The following MAMDC2 variants were observed in gnomAD, a reference collection of about 807,000 sequenced individuals.
MAMDC2 encodes the protein MAM domain-containing protein 2.
Under a neutral mutation model 89.8 loss-of-function variants are expected in MAMDC2, and 57 were observed. The ratio of observed to expected loss-of-function variants is 0.63; its 90% CI spans 0.51 to 0.79. MAMDC2 has a LOEUF of 0.79. MAMDC2 is among the 30% of genes least tolerant of loss of function. MAMDC2 has a pLI of 0.00. For synonymous variants in MAMDC2, 313 were observed against 293.4 expected (o/e 1.07, Z -0.68); for missense variants, 800 against 820.6 (o/e 0.97, Z 0.31).
chr9:70,122,289 G>A (rs1450309860), intron 5 of MAMDC2, among the ~76,000 whole-genome samples: 1 of 152,176 alleles, frequency 6.6e-6, no homozygotes, highest in Non-Finnish European at 1.5e-5. Context: ...GATGCTTTTT[G>A]GATCAGAAAT....
intron 8 of MAMDC2, among the ~76,000 whole-genome samples, chr9:70,141,572 G>A (rs1263551061): frequency 6.6e-6 from 1 of 152,148 alleles, no homozygotes; most frequent in Non-Finnish European, 1.5e-5. Flanking sequence ...GTTTGGACCT[G>A]AGAATTAAAG....
intron 2 of MAMDC2, chr9:70,087,328 G>A (rs1002850611): frequency 2.0e-5 from 3 of 152,164 alleles, no homozygotes. Context: ...TCAAGGGCAT[G>A]TAGGGGCTTA....
At chr9:70,050,817 G>A (rs1826876167) in intron 2 of MAMDC2, among the ~76,000 whole-genome samples, 1 of 152,018 alleles carries the variant, frequency 6.6e-6, no homozygotes, top group Admixed American at 6.6e-5. Flanking sequence ...TTCTTATTTG[G>A]CTCTAGTTTA....
At chr9:70,152,974 C>T (rs1355058993) in intron 9 of MAMDC2, among the ~76,000 whole-genome samples, 1 of 152,100 alleles carries the variant, frequency 6.6e-6, no homozygotes, top group East Asian at 1.9e-4. Flanking sequence ...TAGTCCTGAT[C>T]CCCATAAGGT....
chr9:70,215,967 T>C (rs1165222968), intron 11 of MAMDC2, among the ~76,000 whole-genome samples: 2 of 152,312 alleles, frequency 1.3e-5, no homozygotes, highest in South Asian at 2.1e-4. Context: ...CCCAGGCACA[T>C]AGAGGGGACT....
chr9:70,084,096 T>C (rs1481362476), intron 2 of MAMDC2, among the ~76,000 whole-genome samples: 1 of 152,150 alleles, frequency 6.6e-6, no homozygotes, highest in Non-Finnish European at 1.5e-5. Flanking sequence ...CTCCTTGGCA[T>C]CAAAATATGT....
intron 7 of MAMDC2, among the ~76,000 whole-genome samples, chr9:70,137,796 T>C (rs530742606): frequency 6.6e-6 from 1 of 152,314 alleles, no homozygotes; most frequent in Admixed American, 6.5e-5. Flanking sequence ...CTGCACCGAC[T>C]GTATCCCAAC....
intron 5 of MAMDC2, among the ~76,000 whole-genome samples, chr9:70,121,654 T>G (rs980619368): frequency 1.3e-5 from 2 of 151,998 alleles, no homozygotes; most frequent in Non-Finnish European, 2.9e-5. Flanking sequence ...TAAAGGATTC[T>G]GTCTACTTAA....
At chr9:70,046,841 C>A (rs1826765349) in intron 2 of MAMDC2, among the ~76,000 whole-genome samples, 1 of 152,188 alleles carries the variant, frequency 6.6e-6, no homozygotes, top group Admixed American at 6.5e-5. Flanking sequence ...CAGGGTGGAG[C>A]AGGCAGGTTA....
chr9:70,091,417 G>C (rs140737128), intron 2 of MAMDC2, among the ~76,000 whole-genome samples: 1 of 152,056 alleles, frequency 6.6e-6, no homozygotes, highest in Non-Finnish European at 1.5e-5. Flanking sequence ...AATCCAAGAG[G>C]GTCCACCATG....
In MAMDC2 at chr9:70,140,232, C is replaced by T; in HGVS notation, c.1082C>T (p.Thr361Ile). The T allele has an allele frequency of 6.3e-7, 1 of 1,599,926 alleles. No homozygotes were observed. Among genetic ancestry groups the T allele is most frequent in the Non-Finnish European group, 8.5e-7 (1 of 1,175,638 alleles). ...FYQDKEGPGW[T>I]RVKVKPNMYR... ...CAAGATAAAGAAGGTCCAGGTTGGA[C>T]CCGAGTGAAAGTAAAACCAAACATG... The change falls in exon 8 of 14, where the codon ACC becomes ATC. Residue 361 changes from threonine (T) to isoleucine (I), a missense_variant. By Grantham distance (89) the Thr-to-Ile change is moderately conservative (BLOSUM62 -1). Transcript: ENST00000377182.
At chr9:70,206,636 TA>T (rs1162825138) in intron 11 of MAMDC2, among the ~76,000 whole-genome samples, 1 of 151,588 alleles carries the variant, frequency 6.6e-6, no homozygotes, top group Non-Finnish European at 1.5e-5. Context: ...TATCTTTTTT[TA>T]TTATTATTAT....
Position 70,132,522 on chromosome 9 carries a change from G to A in MAMDC2, c.994+910G>A, listed in dbSNP as rs544083694. On this transcript the variant is annotated intron_variant, in intron 7 of 13. Transcript: ENST00000377182. ...TTCAGATACATTCTGCAAATCGGGG[G>A]ACTAAGAAATTTTTTTTTTTTTTTT... 3.2e-5 allele frequency among the ~76,000 whole-genome samples: 4 copies of A among 126,434 alleles called. No homozygotes were observed. In the East Asian group the frequency reaches 1.0e-3, roughly 32 times the overall value. The allele number at this position is 126,434 out of a possible 152,430, so 82.9% of individuals were successfully genotyped here.
rs539816273 is a variant in MAMDC2 at position 70,140,097 on chromosome 9, C to T, written c.995-48C>T. 35 of 1,507,170 alleles carry T rather than the reference C, an allele frequency of 2.3e-5. No homozygotes were observed. In the South Asian group the frequency reaches 4.8e-4, roughly 21 times the overall value. 93.4% of individuals were successfully genotyped at this position (1,507,170 alleles called of 1,614,324 possible). A position where few individuals can be genotyped will look rare whatever the true frequency, so the allele number is the denominator to read the frequency against. ...TATCTGTCAACCAGTTGATGTAGTCCTTTGAGATCTTTGGGACTGTCATTA... is the reference window on the plus strand; with the variant it reads ...TATCTGTCAACCAGTTGATGTAGTCTTTTGAGATCTTTGGGACTGTCATTA... On this transcript the variant is annotated intron_variant, in intron 7 of 13. Coordinates refer to ENST00000377182, the MANE Select transcript of MAMDC2 (RefSeq NM_153267.5).
chr9:70,055,004 C>G (rs894240485), intron 2 of MAMDC2, among the ~76,000 whole-genome samples: 29 of 151,956 alleles, frequency 1.9e-4, no homozygotes, highest in African/African-American at 6.5e-4. Context: ...CACCTTAAGG[C>G]CAGGAGTTCA....
chr9:70,094,844 A>G (rs1827986765), intron 2 of MAMDC2, among the ~76,000 whole-genome samples: 1 of 152,272 alleles, frequency 6.6e-6, no homozygotes, highest in South Asian at 2.1e-4. Flanking sequence ...AAGACTTAAA[A>G]AAGACATCTA....
chr9:70,103,467 G>C (rs1206006389), intron 2 of MAMDC2, among the ~76,000 whole-genome samples: 2 of 151,906 alleles, frequency 1.3e-5, no homozygotes, highest in Non-Finnish European at 2.9e-5. Context: ...AACAATGGTG[G>C]CAAGAAAATT....
At chr9:70,214,888 C>T (rs75052855) in intron 11 of MAMDC2, among the ~76,000 whole-genome samples, 11,084 of 152,194 alleles carry the variant, frequency 0.073, 587 homozygotes, top group East Asian at 0.22. Flanking sequence ...TTCAGGCTGT[C>T]AGGAAGTTGA....
chr9:70,146,205 G>T (rs545945224), intron 9 of MAMDC2, among the ~76,000 whole-genome samples: 1 of 152,276 alleles, frequency 6.6e-6, no homozygotes, highest in South Asian at 2.1e-4. Flanking sequence ...CTAGGAATTT[G>T]CCCTTTTCTT....
Sources: gnomAD v4.1 joint callset for allele counts (sites outside exome capture counted in the v4.1 genomes callset) on GRCh38, gnomAD v4.1.1 for gene constraint, MANE v1.5 for transcripts, NCBI Gene and HGNC (gene_info 2026-07-23, HGNC 2026-07-21) for gene names.